ZNF451: variants seen among roughly 807,000 people sequenced by gnomAD.
ZNF451 encodes the protein zinc finger protein 451.
ZNF451 carries 80 observed loss-of-function variants against 107.1 expected under a neutral mutation model. That is an observed-to-expected ratio of 0.75 (90% CI 0.62 to 0.90). The LOEUF (loss-of-function observed/expected upper bound fraction) is 0.90, where lower values mean the gene tolerates loss of function less well. Ranked by LOEUF, ZNF451 falls within the 40% of genes least tolerant of loss-of-function variation. The pLI is 0.00. For synonymous variants in ZNF451, 362 were observed against 406.5 expected (o/e 0.89, Z 1.32); for missense variants, 1,107 against 1,236.2 (o/e 0.90, Z 1.57).
At chr6:57,149,214 G>A (rs190591052) in intron 10 of ZNF451, among the ~76,000 whole-genome samples, 1 of 152,230 alleles carries the variant, frequency 6.6e-6, no homozygotes, top group East Asian at 1.9e-4. Flanking sequence ...GAGTTAAAGT[G>A]GTAGCAGGAA....
intron 13 of ZNF451, chr6:57,159,046 C>G (rs1230707174): frequency 1.0e-6 from 1 of 985,418 alleles, no homozygotes; most frequent in African/African-American, 1.7e-5. Context: ...AGTCTGTCTG[C>G]CTGTTGTTTC....
chr6:57,138,839 A>C (rs1379858164), intron 7 of ZNF451, among the ~76,000 whole-genome samples: 3 of 140,514 alleles, frequency 2.1e-5, no homozygotes, highest in African/African-American at 8.0e-5. Flanking sequence ...TTCCTGGGCA[A>C]AGCAGTCCTC....
At chr6:57,099,977 T>C (rs1246948352) in intron 3 of ZNF451, among the ~76,000 whole-genome samples, 2 of 152,186 alleles carry the variant, frequency 1.3e-5, no homozygotes, top group South Asian at 4.1e-4. Context: ...TTAGCCTCCG[T>C]TTTTTAATCA....
chr6:57,107,056 TAATG>T, intron 3 of ZNF451: 2 of 978,130 alleles, frequency 2.0e-6, no homozygotes, highest in Non-Finnish European at 2.4e-6. Context: ...TTTTTTGTTA[TAATG>T]AAAACTTTAC....
chr6:57,146,015 G>A (rs561054534), intron 9 of ZNF451, among the ~76,000 whole-genome samples: 18 of 151,964 alleles, frequency 1.2e-4, no homozygotes, highest in African/African-American at 1.9e-4. Flanking sequence ...AGATGGTATC[G>A]CATTGTTTTA....
intron 3 of ZNF451, chr6:57,102,288 G>C: frequency 7.7e-7 from 1 of 1,296,656 alleles, no homozygotes. Context: ...ATGACTTATT[G>C]GCCAAGTGAG....
chr6:57,114,870 C>G (rs1830290685), intron 3 of ZNF451: 1 of 152,012 alleles, frequency 6.6e-6, no homozygotes, highest in African/African-American at 2.4e-5. Flanking sequence ...AAAGAAAAAA[C>G]CCTCCAGACA....
At chr6:57,099,449 T>C (rs1829482130) in intron 3 of ZNF451, 1 of 716,278 alleles carries the variant, frequency 1.4e-6, no homozygotes, top group Non-Finnish European at 2.6e-6. Flanking sequence ...TTCCCTTCTC[T>C]TTTCCTTTAC....
At chr6:57,137,403 T>C (rs749731513) in intron 7 of ZNF451, among the ~76,000 whole-genome samples, 1 of 152,204 alleles carries the variant, frequency 6.6e-6, no homozygotes, top group African/African-American at 2.4e-5. Flanking sequence ...CAAACTTAAA[T>C]GTACACACAT....
In ZNF451 at chr6:57,148,176, G is replaced by A. The variant is rs1341637871; in HGVS notation, c.2091G>A (p.Val697=). The A allele has an allele frequency of 1.9e-6, 3 of 1,613,908 alleles. No individual in the cohort carries two copies. Among genetic ancestry groups the A allele is most frequent in the African/African-American group, 1.3e-5 (1 of 74,904 alleles). The change falls in exon 10 of 15, where the codon GTG becomes GTA. Residue 697 remains valine, a synonymous_variant. Coordinates refer to ENST00000370706, the MANE Select transcript of ZNF451 (RefSeq NM_001031623.3). ...EEHHSIDYVF[V]SEKTETSIKT... ...ACCACAGCATAGATTATGTATTTGT[G>A]TCAGAAAAAACTGAAACTTCAATTA... is the stretch of plus-strand genomic sequence containing the variant.
At chr6:57,133,237 C>G (rs775137375) in intron 6 of ZNF451, 45 bp downstream of exon 6, 23 of 1,555,378 alleles carry the variant, frequency 1.5e-5, no homozygotes, top group Non-Finnish European at 1.6e-5. Context: ...ATCTAGTGAG[C>G]TACCAAGTGA....
At chr6:57,167,211 A>G (rs1192268979) in intron 14 of ZNF451, among the ~76,000 whole-genome samples, 1 of 152,176 alleles carries the variant, frequency 6.6e-6, no homozygotes, top group Non-Finnish European at 1.5e-5. Flanking sequence ...ACACATATAT[A>G]CATATAACCT....
At chr6:57,141,507 ATT>A (rs1364389231) in intron 8 of ZNF451, 52 bp downstream of exon 8, 4 of 1,498,340 alleles carry the variant, frequency 2.7e-6, no homozygotes, top group Non-Finnish European at 2.7e-6. Context: ...ATCTTTGCTG[ATT>A]TATCATACTT....
intron 3 of ZNF451, 75 bp downstream of exon 3, chr6:57,099,216 A>AT: frequency 8.5e-7 from 1 of 1,180,452 alleles, no homozygotes; most frequent in Non-Finnish European, 1.2e-6. Context: ...GAGTTACCAA[A>AT]TCAGGGAAGG....
chr6:57,124,392 G>A (rs756707954), intron 3 of ZNF451: 1 of 711,918 alleles, frequency 1.4e-6, no homozygotes, highest in South Asian at 1.5e-5. Context: ...GTAAGTCGAT[G>A]TTCTTTATTT....
intron 3 of ZNF451, chr6:57,099,566 A>G: frequency 1.4e-6 from 1 of 714,524 alleles, no homozygotes; most frequent in East Asian, 2.7e-5. Context: ...CCTTTTAGGA[A>G]TGGAAAGTGG....
chr6:57,103,237 GAT>G, intron 3 of ZNF451: 1 of 985,388 alleles, frequency 1.0e-6, no homozygotes, highest in Non-Finnish European at 1.2e-6. Flanking sequence ...GAATCCTTAA[GAT>G]TTAAAGCATA....
chr6:57,167,161 C>T (rs557871665), intron 14 of ZNF451, among the ~76,000 whole-genome samples: 6 of 151,760 alleles, frequency 4.0e-5, no homozygotes, highest in Non-Finnish European at 2.9e-5. Context: ...GTAAAACAGA[C>T]GTTGTGATTT....
intron 7 of ZNF451, among the ~76,000 whole-genome samples, chr6:57,139,234 A>G (rs969587634): frequency 6.6e-5 from 10 of 152,246 alleles, no homozygotes; most frequent in Admixed American, 4.6e-4. Context: ...AAAGCAGCAT[A>G]TAATTCATAA....
Sources: gnomAD v4.1 joint callset for allele counts (sites outside exome capture counted in the v4.1 genomes callset) on GRCh38, gnomAD v4.1.1 for gene constraint, MANE v1.5 for transcripts, NCBI Gene and HGNC (gene_info 2026-07-23, HGNC 2026-07-21) for gene names.